Variants in MORC1 observed in about 807,000 individuals in gnomAD.
MORC1 encodes the protein MORC family CW-type zinc finger protein 1.
A neutral mutation model predicts 134.9 loss-of-function variants in MORC1; 59 were observed. The ratio of observed to expected loss-of-function variants is 0.44; its 90% CI spans 0.35 to 0.54. The LOEUF (loss-of-function observed/expected upper bound fraction) is 0.54. Among genes scored for constraint, MORC1 ranks in the 20% least tolerant of loss-of-function variants. The pLI, the probability that MORC1 is intolerant of heterozygous loss-of-function variation, is 0.00. For missense variants in MORC1, 947 were observed against 1,134.5 expected, an observed-to-expected ratio of 0.83 and a Z score of 2.37; for synonymous variants, 395 against 391.7, an observed-to-expected ratio of 1.01 and a Z score of -0.10.
rs1455890743 is a variant in MORC1 at position 108,971,364 on chromosome 3, G to A, written c.2516C>T (p.Pro839Leu). Residue 839 changes from proline (P) to leucine (L), a missense_variant, in exon 25 of 28, where the codon CCA (proline) becomes CTA (leucine). Transcript: ENST00000232603. ...TAATGCAGGTTCTTCCAATTCTGAT[G>A]GTAGCTGATGCTCAGGAAAAAAATA... ...LLYFFPEHQL[P>L]SELEEPALSC... 2 of 1,613,392 alleles carry A rather than the reference G, an allele frequency of 1.2e-6. No homozygotes were observed. The highest frequency in any genetic ancestry group is 1.7e-6 in the Non-Finnish European group (2 of 1,179,668).
intron 27 of MORC1, among the ~76,000 whole-genome samples, chr3:108,959,641 T>C (rs1947026719): frequency 6.6e-6 from 1 of 152,184 alleles, no homozygotes; most frequent in South Asian, 2.1e-4. Flanking sequence ...ATGCTCTCCT[T>C]TCCTGGACTT....
chr3:108,964,551 C>A (rs1383304201), intron 26 of MORC1, among the ~76,000 whole-genome samples: 1 of 152,184 alleles, frequency 6.6e-6, no homozygotes, highest in Non-Finnish European at 1.5e-5. Context: ...ATTCGCTGAC[C>A]TCACGAGTTT....
In MORC1 at chr3:109,069,613, C is replaced by A; in HGVS notation, c.815+19G>T. On this transcript the variant is annotated intron_variant, in intron 9 of 27. Coordinates refer to ENST00000232603, the MANE Select transcript of MORC1 (RefSeq NM_014429.4). The stretch of plus-strand genomic sequence containing the variant: ...ATAAATAAAAACTCTGTGAAGATAA[C>A]TGAAGAAAGATGAGTTACCTGGGTC... The A allele has an allele frequency of 6.4e-7, 1 of 1,551,970 alleles. No homozygotes were observed. Among genetic ancestry groups the A allele is most frequent in the Non-Finnish European group, 8.8e-7 (1 of 1,142,710 alleles).
intron 8 of MORC1, among the ~76,000 whole-genome samples, chr3:109,080,797 C>T (rs915743436): frequency 3.3e-5 from 5 of 152,006 alleles, no homozygotes; most frequent in Non-Finnish European, 5.9e-5. Flanking sequence ...ATTTGCCCTT[C>T]TAAATATTAA....
chr3:109,071,507 A>G (rs1215398345), intron 8 of MORC1, among the ~76,000 whole-genome samples: 2 of 152,162 alleles, frequency 1.3e-5, no homozygotes, highest in Non-Finnish European at 2.9e-5. Context: ...GCCTTAGCAC[A>G]CAATTGTACT....
chr3:108,974,936 T>C (rs1028234333), intron 24 of MORC1, among the ~76,000 whole-genome samples: 1 of 152,256 alleles, frequency 6.6e-6, no homozygotes, highest in Admixed American at 6.5e-5. Flanking sequence ...TTAAGTGAGC[T>C]GAACCACTAA....
At chr3:109,055,902 G>C (rs1279718871) in intron 13 of MORC1, among the ~76,000 whole-genome samples, 1 of 152,198 alleles carries the variant, frequency 6.6e-6, no homozygotes, top group Admixed American at 6.5e-5. Context: ...GGTGGGGAAG[G>C]AAATGGACCA....
At chr3:108,973,206 C>T (rs1419316070) in intron 24 of MORC1, among the ~76,000 whole-genome samples, 5 of 152,140 alleles carry the variant, frequency 3.3e-5, no homozygotes, top group Non-Finnish European at 7.3e-5. Flanking sequence ...CACCTTTGAC[C>T]TTCAGTGCCC....
chr3:108,995,229 T>C (rs1948167761), intron 21 of MORC1, among the ~76,000 whole-genome samples: 1 of 152,160 alleles, frequency 6.6e-6, no homozygotes, highest in Non-Finnish European at 1.5e-5. Context: ...GTTCTTGCAA[T>C]AACAGCAGAA....
At chr3:109,023,415 C>A (rs1332618780) in intron 17 of MORC1, among the ~76,000 whole-genome samples, 5 of 152,212 alleles carry the variant, frequency 3.3e-5, no homozygotes, top group Non-Finnish European at 4.4e-5. Flanking sequence ...ATAAGCAATT[C>A]ATCACACATT....
At chr3:108,969,160 A>G (rs1947302492) in intron 26 of MORC1, among the ~76,000 whole-genome samples, 1 of 152,168 alleles carries the variant, frequency 6.6e-6, no homozygotes, top group African/African-American at 2.4e-5. Flanking sequence ...ACATAAAAAT[A>G]TTAATATCAG....
At chr3:109,035,586 T>C (rs997119488) in intron 14 of MORC1, 118 bp from the exon 15 acceptor site, 8 of 560,768 alleles carry the variant, frequency 1.4e-5, no homozygotes, top group Non-Finnish European at 2.3e-5. Context: ...TTAATACATA[T>C]ACAGAAATAA....
intron 6 of MORC1, among the ~76,000 whole-genome samples, chr3:109,095,653 T>TGA: frequency 6.6e-6 from 1 of 152,262 alleles, no homozygotes; most frequent in East Asian, 1.9e-4. Flanking sequence ...GGCACCTTAC[T>TGA]GAGATTAGAT....
intron 8 of MORC1, among the ~76,000 whole-genome samples, chr3:109,078,207 T>G (rs1950458518): frequency 6.6e-6 from 1 of 152,066 alleles, no homozygotes; most frequent in Non-Finnish European, 1.5e-5. Context: ...TTTGAATACT[T>G]AATTAAAATA....
chr3:109,103,041 T>C lies in MORC1; in HGVS notation c.223+808A>G, dbSNP rs1950959562. ...TAAGATATTTGCCATACCTCATATC[T>C]TCAGCTTCTATCAGCAAATCAATAT... On this transcript the variant is annotated intron_variant, in intron 4 of 27. Coordinates refer to ENST00000232603, the MANE Select transcript of MORC1 (RefSeq NM_014429.4). Among the ~76,000 whole-genome samples, 3 of 152,320 alleles carry C rather than the reference T, an allele frequency of 2.0e-5. No individual in the cohort carries two copies. In the East Asian group the frequency reaches 5.8e-4, roughly 29 times the overall value.
At chr3:108,987,026 G>T in intron 21 of MORC1, 77 bp from the exon 22 acceptor site, 2 of 1,082,938 alleles carry the variant, frequency 1.8e-6, no homozygotes, top group Non-Finnish European at 2.6e-6. Context: ...ACCTTGAAAA[G>T]CAGTGTCCCC....
At position 109,033,543 on chromosome 3, in the gene MORC1, G is replaced by GGCTC. The variant is rs1168584946; in HGVS notation, c.1460-722_1460-719dup. Among the ~76,000 whole-genome samples the GGCTC allele has an allele frequency of 2.6e-5, 4 of 152,058 alleles. 1 individual carries two copies. Among genetic ancestry groups the GGCTC allele is most frequent in the Admixed American group, 2.0e-4 (3 of 15,258 alleles). On this transcript the variant is annotated intron_variant, in intron 15 of 27. Coordinates refer to ENST00000232603, the MANE Select transcript of MORC1 (RefSeq NM_014429.4). ...AATTCCCTCCAGACACACTGCTAAC[G>GGCTC]GCTCGTAGGTTAACACTTGTCCCTT...
intron 23 of MORC1, among the ~76,000 whole-genome samples, chr3:108,982,931 A>G (rs1017587): frequency 0.73 from 109,680 of 149,724 alleles, 40,862 homozygotes; most frequent in Non-Finnish European, 0.79. Flanking sequence ...GGAATATACT[A>G]GTTTTGGTTT....
intron 2 of MORC1, 55 bp downstream of exon 2, chr3:109,114,329 C>G (rs947343710): frequency 9.8e-6 from 14 of 1,431,678 alleles, no homozygotes; most frequent in Admixed American, 2.0e-5. Context: ...TGTAATTAGA[C>G]AAGAGTTATG....
Sources: gnomAD v4.1 joint callset for allele counts (sites outside exome capture counted in the v4.1 genomes callset) on GRCh38, gnomAD v4.1.1 for gene constraint, MANE v1.5 for transcripts, NCBI Gene and HGNC (gene_info 2026-07-23, HGNC 2026-07-21) for gene names.